The following NECTIN1 variants were observed in gnomAD, a reference collection of about 807,000 sequenced individuals.
NECTIN1 encodes the protein nectin-1.
NECTIN1 carries 23 observed loss-of-function variants against 48.0 expected under a neutral mutation model. The ratio of observed to expected loss-of-function variants is 0.48; its 90% CI spans 0.34 to 0.68. The LOEUF is 0.68. Among genes scored for constraint, NECTIN1 ranks in the 30% least tolerant of loss-of-function variants. The pLI is 0.01. For missense variants in NECTIN1, 591 were observed against 709.9 expected (o/e 0.83, Z 1.90); for synonymous variants, 270 against 288.9 (o/e 0.93, Z 0.66).
chr11:119,689,536 C>A (rs117095705), intron 1 of NECTIN1, among the ~76,000 whole-genome samples: 1 of 152,344 alleles, frequency 6.6e-6, no homozygotes, highest in East Asian at 1.9e-4. Context: ...GAGGGACTAT[C>A]GGTTCAGGCT....
Position 119,718,482 on chromosome 11 carries a change from A to C in NECTIN1, c.79+9993T>G, listed in dbSNP as rs550122100. Among the ~76,000 whole-genome samples the C allele has an allele frequency of 4.6e-5, 7 of 152,246 alleles. No homozygotes were observed. The South Asian group carries it at 1.5e-3, about 32-fold the overall frequency. ...TCCCTAGTAGGGGCCCTCCCTTGCCATCTTTTGGGATCTCTGGGTGAGGGC... is the reference window on the plus strand; with the variant it reads ...TCCCTAGTAGGGGCCCTCCCTTGCCCTCTTTTGGGATCTCTGGGTGAGGGC... On this transcript the variant is annotated intron_variant, in intron 1 of 5. Transcript: ENST00000264025.
intron 1 of NECTIN1, among the ~76,000 whole-genome samples, chr11:119,722,459 T>G (rs897237665): frequency 6.6e-6 from 1 of 152,106 alleles, no homozygotes; most frequent in Admixed American, 6.5e-5. Flanking sequence ...AATGTGGAAG[T>G]GAAAGAAGGC....
chr11:119,686,403 T>C (rs976800544), intron 1 of NECTIN1, among the ~76,000 whole-genome samples: 4 of 152,144 alleles, frequency 2.6e-5, no homozygotes, highest in African/African-American at 9.7e-5. Context: ...ACATCATCCC[T>C]TCCCTAGTCC....
chr11:119,640,325 G>A (rs1241164768), intron 5 of NECTIN1: 8 of 422,632 alleles, frequency 1.9e-5, no homozygotes, highest in East Asian at 4.7e-5. Flanking sequence ...TCCCCACCCC[G>A]TCATTCCATT....
chr11:119,658,364 C>T (rs1833166185), downstream of NECTIN1, among the ~76,000 whole-genome samples: 2 of 152,136 alleles, frequency 1.3e-5, no homozygotes, highest in Admixed American at 6.5e-5. Context: ...CCTGGCTCTG[C>T]CATCAAGCCG....
rs549778498 is a variant in NECTIN1 at position 119,640,177 on chromosome 11, G to A, written c.1004-165C>T. 99 of 728,730 alleles carry A rather than the reference G, an allele frequency of 1.4e-4. No individual in the cohort carries two copies. The Admixed American group carries it at 1.4e-3, about 10-fold the overall frequency. The allele number at this position is 728,730 out of a possible 1,614,324, so 45.1% of individuals were successfully genotyped here. A position where few individuals can be genotyped will look rare whatever the true frequency, so the allele number is the denominator to read the frequency against. ...CCAGTTCTAGGAGGGGCTCCCAGCC[G>A]GTGTGGGATGGAGGCTCCTCCTCTA... On this transcript the variant is annotated intron_variant, in intron 5 of 7. Coordinates refer to the NECTIN1 transcript ENST00000341398.
intron 5 of NECTIN1, among the ~76,000 whole-genome samples, chr11:119,647,316 A>G (rs1386289063): frequency 1.3e-5 from 2 of 150,806 alleles, no homozygotes; most frequent in Non-Finnish European, 3.0e-5. Flanking sequence ...CAATGTCACC[A>G]GCACCCCTGC....
intron 1 of NECTIN1, among the ~76,000 whole-genome samples, chr11:119,708,268 G>C (rs547549085): frequency 2.0e-5 from 3 of 152,268 alleles, no homozygotes; most frequent in Non-Finnish European, 4.4e-5. Flanking sequence ...AGGAAAAGAG[G>C]AAAGAGTGTC....
chr11:119,648,331 A>ATGC (rs1565376626), intron 5 of NECTIN1, among the ~76,000 whole-genome samples: 1 of 3,200 alleles, frequency 3.1e-4, no homozygotes, highest in African/African-American at 8.7e-4. Flanking sequence ...GATGGTGGTG[A>ATGC]TGGTGGTGGT....
intron 1 of NECTIN1, among the ~76,000 whole-genome samples, chr11:119,720,443 C>A (rs959528101): frequency 6.6e-6 from 1 of 152,282 alleles, no homozygotes; most frequent in Admixed American, 6.5e-5. Flanking sequence ...TCTGCCCCAG[C>A]AGATTGGCGC....
chr11:119,696,971 C>T (rs555043799), intron 1 of NECTIN1, among the ~76,000 whole-genome samples: 1 of 152,268 alleles, frequency 6.6e-6, no homozygotes, highest in Admixed American at 6.5e-5. Context: ...GGAGGGAGGG[C>T]ATCCTGTCTC....
chr11:119,680,454 G>C (rs1865040169), intron 1 of NECTIN1, among the ~76,000 whole-genome samples: 1 of 152,230 alleles, frequency 6.6e-6, no homozygotes, highest in Non-Finnish European at 1.5e-5. Context: ...GGATCCAAGA[G>C]TGGGAATTTG....
Position 119,699,356 on chromosome 11 carries a change from G to A in NECTIN1, c.80-20591C>T, listed in dbSNP as rs145210129. 3.0e-3 allele frequency among the ~76,000 whole-genome samples: 190 copies of A among 63,374 alleles called. 4 individuals are homozygous for A. The East Asian group carries it at 0.081, about 27-fold the overall frequency. 41.6% of individuals were successfully genotyped at this position (63,374 alleles called of 152,430 possible). A position where few individuals can be genotyped will look rare whatever the true frequency, so the allele number is the denominator to read the frequency against. On this transcript the variant is annotated intron_variant, in intron 1 of 5. Transcript: ENST00000264025. Reference sequence around the variant, plus strand: ...TCCGACTGTCCTCAAGGGAACTCTGGGACTCTTTCCCACGGCCCCCGGCCA... The same window carrying A: ...TCCGACTGTCCTCAAGGGAACTCTGAGACTCTTTCCCACGGCCCCCGGCCA...
intron 5 of NECTIN1, chr11:119,642,928 A>C (rs866707642): frequency 3.3e-5 from 5 of 153,668 alleles, no homozygotes; most frequent in African/African-American, 1.2e-4. Flanking sequence ...TTTGATCTGC[A>C]GTTGGTTGAC....
chr11:119,687,782 G>A (rs1865184134), intron 1 of NECTIN1, among the ~76,000 whole-genome samples: 1 of 152,236 alleles, frequency 6.6e-6, no homozygotes, highest in African/African-American at 2.4e-5. Context: ...TTTGGAAGCA[G>A]AGGGTTCTCG....
chr11:119,639,637 G>T, intron 6 of NECTIN1: 1 of 596,652 alleles, frequency 1.7e-6, no homozygotes, highest in Non-Finnish European at 3.0e-6. Flanking sequence ...AGGATAAAAT[G>T]CATCTTTATG....
chr11:119,713,680 A>C (rs182146329), intron 1 of NECTIN1: 39 of 360,806 alleles, frequency 1.1e-4, no homozygotes, highest in African/African-American at 7.7e-4. Context: ...GCAGTGATTG[A>C]AACTTATTTG....
At chr11:119,701,222 G>A (rs1163680033) in intron 1 of NECTIN1, among the ~76,000 whole-genome samples, 1 of 152,124 alleles carries the variant, frequency 6.6e-6, no homozygotes, top group Non-Finnish European at 1.5e-5. Flanking sequence ...TGGGATTATT[G>A]CTAGGGTCAA....
intron 5 of NECTIN1, among the ~76,000 whole-genome samples, chr11:119,650,290 C>T (rs1251209011): frequency 6.6e-6 from 1 of 152,202 alleles, no homozygotes; most frequent in Admixed American, 6.5e-5. Flanking sequence ...TTAGCCTGGG[C>T]TCAGAGGCTT....
Sources: allele counts gnomAD v4.1 joint callset (sites outside exome capture counted in the v4.1 genomes callset), GRCh38; gene constraint gnomAD v4.1.1; transcripts MANE v1.5; gene names NCBI Gene and HGNC (gene_info 2026-07-23, HGNC 2026-07-21).